The following ADAMTSL1 variants were observed in gnomAD, a reference collection of about 807,000 sequenced individuals.
The protein encoded by ADAMTSL1 is ADAMTS-like protein 1.
A neutral mutation model predicts 201.8 loss-of-function variants in ADAMTSL1; 126 were observed. The observed-to-expected ratio is 0.62, with a 90% confidence interval of 0.54 to 0.72. The LOEUF (loss-of-function observed/expected upper bound fraction) is 0.72, where lower values mean the gene tolerates loss of function less well. ADAMTSL1 is among the 30% of genes least tolerant of loss of function. ADAMTSL1 has a pLI of 0.00. For synonymous variants in ADAMTSL1, 1,121 were observed against 903.4 expected (o/e 1.24, Z -4.32); for missense variants, 2,679 against 2,277.8 (o/e 1.18, Z -3.59).
At chr9:18,762,667 G>A (rs1350216491) in intron 16 of ADAMTSL1, among the ~76,000 whole-genome samples, 1 of 146,102 alleles carries the variant, frequency 6.8e-6, no homozygotes, top group East Asian at 2.1e-4. Context: ...CCTAGTCTTT[G>A]GTAACCATCC....
In ADAMTSL1 at chr9:18,476,646, T is replaced by C. The variant is rs578036041; in HGVS notation, c.63+2351T>C. ...CTTCAAACTTGATAGAGAAATTGAA[T>C]TGAGGGGCTTGTTTTTCCTATAGTC... On this transcript the variant is annotated intron_variant, in intron 1 of 28. Transcript: ENST00000380548. Among the ~76,000 whole-genome samples the C allele has an allele frequency of 1.2e-3, 190 of 152,194 alleles. 1 individual carries two copies. Among genetic ancestry groups the C allele is most frequent in the Middle Eastern group, 6.8e-3 (2 of 294 alleles).
chr9:18,789,641 T>C (rs985145720), intron 19 of ADAMTSL1, among the ~76,000 whole-genome samples: 28 of 152,186 alleles, frequency 1.8e-4, no homozygotes, highest in Admixed American at 3.3e-4. Flanking sequence ...CACTGTTGAT[T>C]GAAAAAGGCT....
At position 18,716,073 on chromosome 9, in the gene ADAMTSL1, T is replaced by C. The variant is rs113609526; in HGVS notation, c.1877-5463T>C. ...AACTGGATCCCTTCCTTACACCTTA[T>C]ACAAAAATCAATTCAAGATGGATTA... is the stretch of plus-strand genomic sequence containing the variant. On this transcript the variant is annotated intron_variant, in intron 14 of 28. Transcript: ENST00000380548. Among the ~76,000 whole-genome samples, 960 of 151,000 alleles carry C rather than the reference T, an allele frequency of 6.4e-3. 6 individuals carry two copies. Among genetic ancestry groups the C allele is most frequent in the African/African-American group, 0.022 (916 of 41,168 alleles).
At chr9:18,664,651 T>G (rs1829320014) in intron 9 of ADAMTSL1, among the ~76,000 whole-genome samples, 1 of 152,004 alleles carries the variant, frequency 6.6e-6, no homozygotes, top group Admixed American at 6.6e-5. Flanking sequence ...AAGGAAAAAG[T>G]AAAAAATAAA....
intron 4 of ADAMTSL1, among the ~76,000 whole-genome samples, chr9:18,583,670 G>C (rs1823268770): frequency 1.3e-5 from 2 of 152,180 alleles, no homozygotes; most frequent in African/African-American, 4.8e-5. Context: ...GCCAGTAAAA[G>C]CAGCCGGGAA....
At chr9:18,168,642 G>C in intron 2 of ADAMTSL1, among the ~76,000 whole-genome samples, 1 of 150,318 alleles carries the variant, frequency 6.7e-6, no homozygotes, top group Non-Finnish European at 1.5e-5. Flanking sequence ...TATATACCCA[G>C]TAATGGGATG....
intron 2 of ADAMTSL1, among the ~76,000 whole-genome samples, chr9:18,451,148 C>T (rs1043026599): frequency 3.3e-5 from 5 of 152,110 alleles, no homozygotes; most frequent in African/African-American, 9.7e-5. Context: ...ATTCTCCTGC[C>T]GTTCAGTTCA....
At chr9:18,707,314 A>T (rs1448892409) in intron 14 of ADAMTSL1, among the ~76,000 whole-genome samples, 1 of 152,208 alleles carries the variant, frequency 6.6e-6, no homozygotes, top group African/African-American at 2.4e-5. Context: ...CTTGCAACAT[A>T]TCATCGTGTA....
intron 2 of ADAMTSL1, among the ~76,000 whole-genome samples, chr9:18,423,965 G>T (rs1363657233): frequency 6.6e-6 from 1 of 152,204 alleles, no homozygotes; most frequent in African/African-American, 2.4e-5. Flanking sequence ...AGGCTAATGG[G>T]CAGAGTCTTG....
intron 1 of ADAMTSL1, among the ~76,000 whole-genome samples, chr9:18,044,703 A>G (rs1821584843): frequency 6.6e-6 from 1 of 152,092 alleles, no homozygotes; most frequent in Non-Finnish European, 1.5e-5. Context: ...AAATTATAGA[A>G]CCAGAGACTT....
At chr9:18,560,895 T>G (rs972181230) in intron 3 of ADAMTSL1, among the ~76,000 whole-genome samples, 3 of 151,856 alleles carry the variant, frequency 2.0e-5, no homozygotes, top group African/African-American at 7.3e-5. Flanking sequence ...TTCTTCTCTC[T>G]TTTTTTCTTT....
chr9:18,579,259 G>A lies in ADAMTSL1; in HGVS notation c.474+4993G>A, dbSNP rs867014570. ...CTATCGCAAGAACAAAAAACCAAAC[G>A]CCGCATATTCTCACTCATAGGTGGG... On this transcript the variant is annotated intron_variant, in intron 4 of 28. Transcript: ENST00000380548. Among the ~76,000 whole-genome samples, 125 of 147,198 alleles carry A rather than the reference G, an allele frequency of 8.5e-4. 2 individuals are homozygous for A. The highest frequency in any genetic ancestry group is 2.5e-3 in the African/African-American group (100 of 39,846).
At chr9:18,698,680 G>T (rs1444287029) in intron 13 of ADAMTSL1, among the ~76,000 whole-genome samples, 1 of 152,182 alleles carries the variant, frequency 6.6e-6, no homozygotes, top group African/African-American at 2.4e-5. Context: ...AAAACCAAGA[G>T]AGTTTGGTGT....
At chr9:18,331,110 C>T (rs1197106309) in intron 2 of ADAMTSL1, among the ~76,000 whole-genome samples, 1 of 152,098 alleles carries the variant, frequency 6.6e-6, no homozygotes, top group Non-Finnish European at 1.5e-5. Context: ...ATAAAGTAAA[C>T]AGTGTGAGAA....
At chr9:18,779,322 C>T (rs1821247253) in intron 19 of ADAMTSL1, among the ~76,000 whole-genome samples, 1 of 152,232 alleles carries the variant, frequency 6.6e-6, no homozygotes, top group Non-Finnish European at 1.5e-5. Flanking sequence ...GTCAATAATA[C>T]TGCCTCTCAG....
chr9:18,157,159 A>G (rs1019206878), intron 1 of ADAMTSL1, among the ~76,000 whole-genome samples: 6 of 152,042 alleles, frequency 3.9e-5, no homozygotes, highest in Non-Finnish European at 8.8e-5. Context: ...GAGAAATGCC[A>G]TAGCTTGTTT....
At chr9:18,634,636 G>A (rs1038661967) in intron 5 of ADAMTSL1, among the ~76,000 whole-genome samples, 1 of 151,586 alleles carries the variant, frequency 6.6e-6, no homozygotes, top group Admixed American at 6.6e-5. Context: ...TCAGGAGTTC[G>A]AGACCAGTCT....
chr9:18,648,941 C>A (rs1446168786), intron 7 of ADAMTSL1, among the ~76,000 whole-genome samples: 1 of 152,178 alleles, frequency 6.6e-6, no homozygotes, highest in Non-Finnish European at 1.5e-5. Context: ...GCCTGCCTTG[C>A]TAGATTGGGG....
At chr9:18,258,952 C>G (rs1831804952) in intron 2 of ADAMTSL1, among the ~76,000 whole-genome samples, 1 of 152,202 alleles carries the variant, frequency 6.6e-6, no homozygotes, top group South Asian at 2.1e-4. Context: ...ATTCCTCAGT[C>G]CTTACCAGAA....
Sources: allele counts gnomAD v4.1 joint callset (sites outside exome capture counted in the v4.1 genomes callset), GRCh38; gene constraint gnomAD v4.1.1; transcripts MANE v1.5; gene names NCBI Gene and HGNC (gene_info 2026-07-23, HGNC 2026-07-21).